The following RABGAP1L variants were observed in gnomAD, a reference collection of about 807,000 sequenced individuals.
RABGAP1L encodes RAB GTPase activating protein 1 like.
RABGAP1L carries 63 observed loss-of-function variants against 137.7 expected under a neutral mutation model. The observed-to-expected ratio is 0.46, with a 90% CI of 0.37 to 0.56. The LOEUF is 0.56. Ranked by LOEUF, RABGAP1L falls within the 20% of genes least tolerant of loss-of-function variation. The pLI is 0.00. For missense variants in RABGAP1L, 1,095 were observed against 1,244.0 expected, an observed-to-expected ratio of 0.88 and a Z score of 1.80; for synonymous variants, 431 against 433.7, an observed-to-expected ratio of 0.99 and a Z score of 0.08.
intron 14 of RABGAP1L, among the ~76,000 whole-genome samples, chr1:174,665,154 C>T (rs1193240335): frequency 6.6e-6 from 1 of 152,118 alleles, no homozygotes; most frequent in Non-Finnish European, 1.5e-5. Flanking sequence ...TAGTCACTCA[C>T]CTGAATGTCA....
At chr1:174,758,179 G>T (rs1283775085) in intron 18 of RABGAP1L, among the ~76,000 whole-genome samples, 1 of 151,834 alleles carries the variant, frequency 6.6e-6, no homozygotes, top group Non-Finnish European at 1.5e-5. Flanking sequence ...CATACACAAC[G>T]CTTCCTTTTT....
At chr1:174,181,588 C>T (rs943393336) in intron 1 of RABGAP1L, among the ~76,000 whole-genome samples, 17 of 152,082 alleles carry the variant, frequency 1.1e-4, no homozygotes, top group African/African-American at 2.4e-4. Flanking sequence ...CTGCCCACCT[C>T]GGCCTCCCAA....
intron 20 of RABGAP1L, among the ~76,000 whole-genome samples, chr1:174,959,560 A>G (rs143620510): frequency 5.3e-5 from 8 of 152,204 alleles, no homozygotes; most frequent in Non-Finnish European, 1.2e-4. Flanking sequence ...TTATTGAGAG[A>G]TCAAAGTAGG....
At chr1:174,227,852 G>GT (rs74263820) in intron 3 of RABGAP1L, among the ~76,000 whole-genome samples, 7,304 of 132,638 alleles carry the variant, frequency 0.055, 411 homozygotes, top group African/African-American at 0.15. Flanking sequence ...AAATACTGTG[G>GT]TTTTTTTTTT....
At chr1:174,742,294 G>T (rs1354821052) in intron 17 of RABGAP1L, among the ~76,000 whole-genome samples, 7 of 146,886 alleles carry the variant, frequency 4.8e-5, no homozygotes, top group Non-Finnish European at 7.4e-5. Context: ...AAGGCAGGTG[G>T]ATCACTTGAG....
intron 13 of RABGAP1L, among the ~76,000 whole-genome samples, chr1:174,445,564 T>C (rs1654649343): frequency 6.6e-6 from 1 of 152,198 alleles, no homozygotes; most frequent in Non-Finnish European, 1.5e-5. Flanking sequence ...AGCAATTTTT[T>C]GTGGGGGTGA....
intron 10 of RABGAP1L, among the ~76,000 whole-genome samples, chr1:174,287,244 T>A (rs1384296286): frequency 6.6e-6 from 1 of 152,212 alleles, no homozygotes; most frequent in East Asian, 1.9e-4. Flanking sequence ...AATAGTTAAA[T>A]CTTCTTGATG....
chr1:174,863,957 G>T (rs1367449709), intron 19 of RABGAP1L, among the ~76,000 whole-genome samples: 2 of 152,094 alleles, frequency 1.3e-5, no homozygotes, highest in Admixed American at 6.5e-5. Flanking sequence ...TCCAGCCTTG[G>T]CAACAAAGCA....
chr1:174,239,675 T>G (rs895927541), intron 4 of RABGAP1L, among the ~76,000 whole-genome samples: 2 of 152,186 alleles, frequency 1.3e-5, no homozygotes, highest in Non-Finnish European at 2.9e-5. Context: ...AATAGTTTCT[T>G]TATATTTTTC....
At chr1:174,623,566 C>G (rs930409767) in intron 13 of RABGAP1L, among the ~76,000 whole-genome samples, 2 of 152,174 alleles carry the variant, frequency 1.3e-5, no homozygotes, top group African/African-American at 4.8e-5. Context: ...CCTTTGTCCT[C>G]TCCCCATGAG....
intron 13 of RABGAP1L, among the ~76,000 whole-genome samples, chr1:174,621,406 A>T (rs1346724824): frequency 6.6e-6 from 1 of 152,218 alleles, no homozygotes; most frequent in Non-Finnish European, 1.5e-5. Context: ...TTCAATCCTA[A>T]GCCAAAAGAA....
At chr1:174,857,750 G>A (rs1573534692) in intron 19 of RABGAP1L, among the ~76,000 whole-genome samples, 1 of 152,124 alleles carries the variant, frequency 6.6e-6, no homozygotes, top group Admixed American at 6.5e-5. Flanking sequence ...TGACTTGTCA[G>A]TAACTGATTT....
intron 13 of RABGAP1L, among the ~76,000 whole-genome samples, chr1:174,466,634 A>G (rs2149295908): frequency 6.6e-6 from 1 of 152,308 alleles, no homozygotes; most frequent in Middle Eastern, 3.4e-3. Context: ...TAAAAATACA[A>G]AAACTAGCCA....
intron 23 of RABGAP1L, among the ~76,000 whole-genome samples, chr1:174,980,909 G>GTT (rs370748304): frequency 1.9e-3 from 273 of 143,872 alleles, no homozygotes; most frequent in African/African-American, 5.8e-3. Flanking sequence ...AGTTTTTTTT[G>GTT]TTTTTTTTTT....
intron 13 of RABGAP1L, among the ~76,000 whole-genome samples, chr1:174,491,948 T>A (rs1238156479): frequency 6.6e-6 from 1 of 152,180 alleles, no homozygotes; most frequent in Non-Finnish European, 1.5e-5. Flanking sequence ...CAGCCACTGC[T>A]GGGGGATGAG....
intron 13 of RABGAP1L, among the ~76,000 whole-genome samples, chr1:174,446,701 C>G (rs1313301856): frequency 1.3e-5 from 2 of 152,158 alleles, no homozygotes; most frequent in African/African-American, 2.4e-5. Flanking sequence ...TAATTGAGCA[C>G]TTGCTCAAAA....
chr1:174,615,770 G>A (rs2148238480), intron 13 of RABGAP1L, among the ~76,000 whole-genome samples: 1 of 152,344 alleles, frequency 6.6e-6, no homozygotes, highest in Middle Eastern at 3.4e-3. Context: ...ACCTAAGCAA[G>A]CCTGGGCAAT....
intron 19 of RABGAP1L, among the ~76,000 whole-genome samples, chr1:174,937,632 A>ATATATATATATATATATATATT (rs1190513202): frequency 1.6e-5 from 2 of 128,598 alleles, no homozygotes; most frequent in African/African-American, 6.6e-5. Flanking sequence ...ATATATATAT[A>ATATATATATATATATATATATT]TATCTTGCAG....
intron 6 of RABGAP1L, among the ~76,000 whole-genome samples, chr1:174,251,349 CTTAA>C (rs1392682008): frequency 6.6e-6 from 1 of 151,446 alleles, no homozygotes; most frequent in Non-Finnish European, 1.5e-5. Flanking sequence ...TTGACCACCA[CTTAA>C]TTAACCATTT....
Sources: allele counts gnomAD v4.1 joint callset (sites outside exome capture counted in the v4.1 genomes callset), GRCh38; gene constraint gnomAD v4.1.1; transcripts MANE v1.5; gene names NCBI Gene and HGNC (gene_info 2026-07-23, HGNC 2026-07-21).